KALRN: variants seen among roughly 807,000 people sequenced by gnomAD.
KALRN encodes kalirin RhoGEF kinase, also known as kalirin.
A neutral mutation model predicts 353.7 loss-of-function variants in KALRN; 70 were observed. The observed-to-expected ratio is 0.20, with a 90% CI of 0.16 to 0.24. KALRN has a LOEUF of 0.24. Among genes scored for constraint, KALRN ranks in the 10% least tolerant of loss-of-function variants. The pLI, the probability that KALRN is intolerant of heterozygous loss-of-function variation, is 1.00. For missense variants in KALRN, 2,791 were observed against 3,756.7 expected (o/e 0.74, Z 6.72); for synonymous variants, 1,391 against 1,434.8 (o/e 0.97, Z 0.69).
chr3:124,576,432 G>A (rs1395272193), intron 34 of KALRN, among the ~76,000 whole-genome samples: 2 of 152,120 alleles, frequency 1.3e-5, no homozygotes, highest in Admixed American at 1.3e-4. Context: ...GGCTCAGCAT[G>A]TAGAACGGTA....
At chr3:124,292,547 C>T (rs909857082) in intron 5 of KALRN, among the ~76,000 whole-genome samples, 1 of 152,022 alleles carries the variant, frequency 6.6e-6, no homozygotes, top group African/African-American at 2.4e-5. Flanking sequence ...AGGCAGAGCC[C>T]TGAGAGGGTG....
At chr3:124,040,494 T>A (rs2039857810) in intron 1 of KALRN, among the ~76,000 whole-genome samples, 1 of 151,644 alleles carries the variant, frequency 6.6e-6, no homozygotes. Flanking sequence ...TGGGTAGAGG[T>A]CAAGGGTGCT....
intron 1 of KALRN, among the ~76,000 whole-genome samples, chr3:124,128,393 AAG>A (rs1054511799): frequency 6.6e-6 from 1 of 152,178 alleles, no homozygotes; most frequent in Non-Finnish European, 1.5e-5. Context: ...GGACCTGAAA[AAG>A]ATGGATTTTC....
chr3:124,506,207 G>A (rs2065207086), intron 33 of KALRN, among the ~76,000 whole-genome samples: 1 of 152,160 alleles, frequency 6.6e-6, no homozygotes. Flanking sequence ...CTCTTCTTTT[G>A]GGGAGAAAAC....
Position 124,477,319 on chromosome 3 carries a change from G to C in KALRN, c.4176G>C (p.Ala1392=). The part of the protein sequence containing the change: ...PDSNQLILEH[A]GTFFDEIQQR... The stretch of plus-strand genomic sequence containing the variant: ...CCAACCAGCTTATCCTGGAGCATGC[G>C]GGCACCTTCTTTGATGTAAGCTGTG... Residue 1392 remains alanine (A), a synonymous_variant, in exon 27 of 60, where the codon GCG becomes GCC. Transcript: ENST00000682506. The C allele has an allele frequency of 6.2e-7, 1 of 1,613,022 alleles. No individual in the cohort carries two copies. The highest frequency in any genetic ancestry group is 8.5e-7 in the Non-Finnish European group (1 of 1,179,186).
chr3:124,065,625 C>T (rs1325585363), intron 1 of KALRN, among the ~76,000 whole-genome samples: 1 of 99,648 alleles, frequency 1.0e-5, no homozygotes, highest in Non-Finnish European at 2.0e-5. Flanking sequence ...CTAAAACATT[C>T]CTTAGTTAAA....
chr3:124,146,887 A>AAAAG (rs1278295858), intron 1 of KALRN, among the ~76,000 whole-genome samples: 1 of 150,736 alleles, frequency 6.6e-6, no homozygotes, highest in Non-Finnish European at 1.5e-5. Flanking sequence ...AAAAAAAAAA[A>AAAAG]AAAAAAAGAA....
chr3:124,548,172 T>G (rs1430877571), intron 33 of KALRN, among the ~76,000 whole-genome samples: 1 of 152,074 alleles, frequency 6.6e-6, no homozygotes, highest in African/African-American at 2.4e-5. Flanking sequence ...GCTACCAAAC[T>G]CATAACTACA....
intron 1 of KALRN, among the ~76,000 whole-genome samples, chr3:124,103,535 G>C (rs1231340148): frequency 6.6e-6 from 1 of 152,190 alleles, no homozygotes; most frequent in Non-Finnish European, 1.5e-5. Context: ...AATTAGTATC[G>C]TTGTTGTTAT....
rs1238571575 is a variant in KALRN, at chr3:124,594,217, A to G, written c.5182+31128A>G. The stretch of plus-strand genomic sequence containing the variant: ...TTTAATCTTCTGAACATCTTTCCCT[A>G]TGGATGCATTTCCAGGAATTTTTTT... On this transcript the variant is annotated intron_variant, in intron 34 of 59. Transcript: ENST00000682506. Among the ~76,000 whole-genome samples, 5 of 152,176 alleles carry G rather than the reference A, an allele frequency of 3.3e-5. No homozygotes were observed. In the East Asian group the frequency reaches 9.7e-4, roughly 29 times the overall value.
chr3:124,455,435 A>T (rs2059211994), intron 22 of KALRN, 76 bp downstream of exon 22: 1 of 1,410,504 alleles, frequency 7.1e-7, no homozygotes, highest in Non-Finnish European at 9.7e-7. Context: ...TCGCCATGGA[A>T]GAAAAGCATG....
intron 51 of KALRN, among the ~76,000 whole-genome samples, chr3:124,690,735 C>T (rs2061769120): frequency 2.0e-5 from 3 of 152,322 alleles, no homozygotes; most frequent in African/African-American, 7.2e-5. Flanking sequence ...TGCACTTCCT[C>T]CAGGGTTTTG....
intron 36 of KALRN, among the ~76,000 whole-genome samples, chr3:124,635,258 A>G (rs1218585357): frequency 6.6e-6 from 1 of 152,168 alleles, no homozygotes; most frequent in Non-Finnish European, 1.5e-5. Context: ...CTTGTAATGT[A>G]TTTTATAAAC....
At chr3:124,226,965 C>T (rs574487639) in intron 1 of KALRN, among the ~76,000 whole-genome samples, 50 of 152,074 alleles carry the variant, frequency 3.3e-4, no homozygotes, top group Non-Finnish European at 4.7e-4. Flanking sequence ...TAACAGAGAC[C>T]CCAGTTATAG....
chr3:124,581,960 T>G (rs2074670798), intron 34 of KALRN, among the ~76,000 whole-genome samples: 2 of 151,982 alleles, frequency 1.3e-5, no homozygotes, highest in South Asian at 4.2e-4. Context: ...AAAATGAGAC[T>G]GACCAATTAT....
At chr3:124,382,579 C>T (rs2087552173) in intron 10 of KALRN, among the ~76,000 whole-genome samples, 1 of 152,190 alleles carries the variant, frequency 6.6e-6, no homozygotes, top group Non-Finnish European at 1.5e-5. Flanking sequence ...GTGTGGTAGA[C>T]AGTTCAGTTT....
chr3:124,209,515 AAAT>A, intron 1 of KALRN, among the ~76,000 whole-genome samples: 1 of 151,028 alleles, frequency 6.6e-6, no homozygotes, highest in Non-Finnish European at 1.5e-5. Context: ...AAAAAAAAAA[AAAT>A]CCATGTCTAA....
At chr3:124,538,143 G>T (rs936567737) in intron 33 of KALRN, among the ~76,000 whole-genome samples, 2 of 152,214 alleles carry the variant, frequency 1.3e-5, no homozygotes, top group African/African-American at 4.8e-5. Context: ...AAAAACGTAT[G>T]TACCTTCTCT....
intron 50 of KALRN, 89 bp downstream of exon 50, chr3:124,678,402 A>AT (rs35286809): frequency 0.024 from 27,894 of 1,164,404 alleles, no homozygotes; most frequent in South Asian, 0.034. Flanking sequence ...TGGATGGGTT[A>AT]TTTTTTTTTT....
Sources: allele counts gnomAD v4.1 joint callset (sites outside exome capture counted in the v4.1 genomes callset), GRCh38; gene constraint gnomAD v4.1.1; transcripts MANE v1.5; gene names NCBI Gene and HGNC (gene_info 2026-07-23, HGNC 2026-07-21).